The following SRPK2 variants were observed in gnomAD, a reference collection of about 807,000 sequenced individuals.
The protein encoded by SRPK2 is SFRS protein kinase 2.
In SRPK2, 21 loss-of-function variants were observed where a neutral mutation model predicts 90.8. The ratio of observed to expected loss-of-function variants is 0.23; its 90% CI spans 0.16 to 0.33. SRPK2 has a LOEUF of 0.33. SRPK2 is among the 10% of genes least tolerant of loss of function. The probability of loss-of-function intolerance (pLI) is 1.00; values close to 1 mark genes in which losing one functional copy is unlikely to be tolerated. For synonymous variants in SRPK2, 288 were observed against 311.1 expected (o/e 0.93, Z 0.78); for missense variants, 620 against 869.0 (o/e 0.71, Z 3.60).
chr7:105,219,884 A>G (rs891676439), intron 2 of SRPK2, among the ~76,000 whole-genome samples: 1 of 152,176 alleles, frequency 6.6e-6, no homozygotes, highest in Non-Finnish European at 1.5e-5. Context: ...TAGTGGAGAT[A>G]ATGTTTCTAT....
intron 2 of SRPK2, among the ~76,000 whole-genome samples, chr7:105,288,012 T>A (rs1348738624): frequency 2.0e-5 from 3 of 152,148 alleles, no homozygotes; most frequent in African/African-American, 4.8e-5. Flanking sequence ...AAAATGCCAA[T>A]TTTCACTTTT....
intron 2 of SRPK2, among the ~76,000 whole-genome samples, chr7:105,323,967 TTGTGTGTGTGTGTGTGTGTGTGTG>T (rs58288208): frequency 1.5e-5 from 2 of 133,816 alleles, no homozygotes; most frequent in African/African-American, 2.7e-5. Context: ...AGACTATTCT[TTGTGTGTGTGTGTGTGTGTGTGTG>T]TGTGTGTGTG....
rs546382113 is a variant in SRPK2 at position 105,370,732 on chromosome 7, T to C, written c.71+17916A>G. Reference sequence around the variant, plus strand: ...CCAGGTTCAAATGATTCTCATGCCTTACCCTCCCAAGTAGCTGGGACTATA... The same window carrying C: ...CCAGGTTCAAATGATTCTCATGCCTCACCCTCCCAAGTAGCTGGGACTATA... On this transcript the variant is annotated intron_variant, in intron 2 of 15. Transcript: ENST00000393651. 3.3e-5 allele frequency among the ~76,000 whole-genome samples: 5 copies of C among 151,620 alleles called. No individual in the cohort carries two copies. The East Asian group carries it at 9.7e-4, about 29-fold the overall frequency.
chr7:105,210,227 T>C (rs750211149), intron 2 of SRPK2, among the ~76,000 whole-genome samples: 1 of 152,212 alleles, frequency 6.6e-6, no homozygotes, highest in African/African-American at 2.4e-5. Flanking sequence ...ATTTAAGAAA[T>C]ACAGTTCAGT....
intron 2 of SRPK2, among the ~76,000 whole-genome samples, chr7:105,324,181 G>C (rs1475282950): frequency 6.6e-6 from 1 of 151,570 alleles, no homozygotes; most frequent in Admixed American, 6.6e-5. Flanking sequence ...TATTTTTTTT[G>C]TATTTTTAGT....
intron 7 of SRPK2, among the ~76,000 whole-genome samples, chr7:105,146,960 C>T (rs1436391995): frequency 1.3e-5 from 2 of 152,320 alleles, no homozygotes; most frequent in East Asian, 1.9e-4. Flanking sequence ...CACAGATTGT[C>T]TTCCACCTCT....
At chr7:105,181,913 A>C (rs1792898843) in intron 3 of SRPK2, among the ~76,000 whole-genome samples, 1 of 148,922 alleles carries the variant, frequency 6.7e-6, no homozygotes, top group Non-Finnish European at 1.5e-5. Flanking sequence ...ACACACACAC[A>C]AAAACCAAAT....
At chr7:105,338,199 A>G (rs1815334686) in intron 2 of SRPK2, among the ~76,000 whole-genome samples, 1 of 152,156 alleles carries the variant, frequency 6.6e-6, no homozygotes, top group Admixed American at 6.6e-5. Flanking sequence ...GTGAGTAGAA[A>G]CTTTACCATC....
chr7:105,389,011 C>G, upstream of SRPK2: 2 of 990,286 alleles, frequency 2.0e-6, no homozygotes, highest in Middle Eastern at 5.0e-4. Flanking sequence ...ACCCGCCGGC[C>G]CCGGGGGTCG....
chr7:105,272,860 T>C (rs1286792142), intron 2 of SRPK2, among the ~76,000 whole-genome samples: 1 of 152,162 alleles, frequency 6.6e-6, no homozygotes, highest in Admixed American at 6.5e-5. Flanking sequence ...AGCAACACCA[T>C]TGCCGTACCA....
chr7:105,271,239 A>T (rs1439866262), intron 2 of SRPK2, among the ~76,000 whole-genome samples: 1 of 152,148 alleles, frequency 6.6e-6, no homozygotes, highest in African/African-American at 2.4e-5. Context: ...AAAGCCCAAG[A>T]TTAAATTACA....
chr7:105,287,840 T>C (rs1473264489), intron 2 of SRPK2, among the ~76,000 whole-genome samples: 3 of 152,230 alleles, frequency 2.0e-5, no homozygotes, highest in Non-Finnish European at 2.9e-5. Flanking sequence ...ATTTGCACTT[T>C]AATTTTTTAC....
intron 2 of SRPK2, among the ~76,000 whole-genome samples, chr7:105,255,949 G>A (rs1447611784): frequency 6.6e-6 from 1 of 151,022 alleles, no homozygotes; most frequent in African/African-American, 2.4e-5. Flanking sequence ...AAGAGAGAGA[G>A]CGAGAACAAG....
rs1585732900 is a variant in SRPK2 at position 105,329,656 on chromosome 7, T to A, written c.71+58992A>T. On this transcript the variant is annotated intron_variant, in intron 2 of 15. Coordinates refer to ENST00000393651, the MANE Select transcript of SRPK2 (RefSeq NM_182692.3). ...AAGAGCAGCAGAAGATGGGAAAGGG[T>A]ACAGAAAATGAAGTGACACCCAATT... 1.3e-5 allele frequency among the ~76,000 whole-genome samples: 2 copies of A among 148,294 alleles called. 1 individual carries two copies.
chr7:105,376,057 G>A (rs549229386), intron 2 of SRPK2, among the ~76,000 whole-genome samples: 3 of 131,134 alleles, frequency 2.3e-5, no homozygotes, highest in Non-Finnish European at 4.6e-5. Context: ...GCAGTGTCGT[G>A]ATCTCAGCTC....
intron 2 of SRPK2, among the ~76,000 whole-genome samples, chr7:105,356,670 A>C (rs957498189): frequency 6.6e-6 from 1 of 152,246 alleles, no homozygotes; most frequent in African/African-American, 2.4e-5. Flanking sequence ...GCTTAAAATT[A>C]AGGCAAGTAC....
In SRPK2 at chr7:105,143,337, T is replaced by C. The variant is rs775341380; in HGVS notation, c.814-7A>G. The C allele has an allele frequency of 3.1e-5, 50 of 1,608,888 alleles. No homozygotes were observed. Among genetic ancestry groups the C allele is most frequent in the Non-Finnish European group, 1.7e-6 (2 of 1,179,490 alleles). Reference sequence around the variant, plus strand: ...TTTTAGATATTTTTCCTATCTATGTTAAGGAAAGACCACAGGTCAGTATTC... The same window carrying C: ...TTTTAGATATTTTTCCTATCTATGTCAAGGAAAGACCACAGGTCAGTATTC... On this transcript the variant is annotated splice_polypyrimidine_tract_variant and splice_region_variant and intron_variant, in intron 9 of 15. Coordinates refer to ENST00000393651, the MANE Select transcript of SRPK2 (RefSeq NM_182692.3).
chr7:105,137,075 A>G (rs770163853), intron 11 of SRPK2, among the ~76,000 whole-genome samples: 1 of 152,224 alleles, frequency 6.6e-6, no homozygotes, highest in Admixed American at 6.5e-5. Context: ...CTTTTCTGAG[A>G]AGGTGACATT....
At chr7:105,340,487 T>C (rs1815635974) in intron 2 of SRPK2, among the ~76,000 whole-genome samples, 1 of 151,310 alleles carries the variant, frequency 6.6e-6, no homozygotes, top group Admixed American at 6.6e-5. Flanking sequence ...CAACACAGCT[T>C]CTATCTCCCA....
Sources: allele counts gnomAD v4.1 joint callset (sites outside exome capture counted in the v4.1 genomes callset), GRCh38; gene constraint gnomAD v4.1.1; transcripts MANE v1.5; gene names NCBI Gene and HGNC (gene_info 2026-07-23, HGNC 2026-07-21).